SNRK: variants seen among roughly 807,000 people sequenced by gnomAD.
SNRK encodes the protein SNF related kinase, also known as SNF-related serine/threonine-protein kinase.
SNRK carries 3 observed loss-of-function variants against 48.2 expected under a neutral mutation model. The ratio of observed to expected loss-of-function variants is 0.06; its 90% CI spans 0.03 to 0.16. SNRK has a LOEUF of 0.16. Among genes scored for constraint, SNRK ranks in the 10% least tolerant of loss-of-function variants. SNRK has a pLI of 1.00. For synonymous variants in SNRK, 376 were observed against 366.1 expected (o/e 1.03, Z -0.31); for missense variants, 627 against 976.0 (o/e 0.64, Z 4.76).
At chr3:43,314,583 C>A (rs1575542884) in intron 3 of SNRK, among the ~76,000 whole-genome samples, 1 of 152,018 alleles carries the variant, frequency 6.6e-6, no homozygotes, top group South Asian at 2.1e-4. Flanking sequence ...ATAAAAGAGT[C>A]TTTTAGAGAA....
At chr3:43,293,043 T>C (rs1216356576) in intron 1 of SNRK, among the ~76,000 whole-genome samples, 1 of 152,238 alleles carries the variant, frequency 6.6e-6, no homozygotes, top group African/African-American at 2.4e-5. Flanking sequence ...TATTTGTTAA[T>C]GAAAATGACT....
intron 6 of SNRK, among the ~76,000 whole-genome samples, chr3:43,344,512 G>A (rs145547099): frequency 5.9e-5 from 9 of 152,294 alleles, no homozygotes; most frequent in African/African-American, 1.4e-4. Context: ...GTTACTTGCA[G>A]TTGGCTCGCC....
intron 3 of SNRK, among the ~76,000 whole-genome samples, chr3:43,304,121 A>G (rs1214236375): frequency 2.0e-5 from 3 of 152,132 alleles, no homozygotes; most frequent in Admixed American, 1.3e-4. Context: ...CTCTTTAGCC[A>G]TCTCCTCTCT....
intron 1 of SNRK, among the ~76,000 whole-genome samples, chr3:43,286,884 C>A (rs1268757405): frequency 6.9e-6 from 1 of 145,168 alleles, no homozygotes; most frequent in African/African-American, 2.5e-5. Context: ...TGGCCCGGAC[C>A]CCGCGGCGCG....
chr3:43,327,472 A>G (rs1364832337), intron 3 of SNRK, among the ~76,000 whole-genome samples: 2 of 152,176 alleles, frequency 1.3e-5, no homozygotes, highest in Non-Finnish European at 2.9e-5. Context: ...TTCTAGTTCT[A>G]TTGCTTCTTT....
intron 2 of SNRK, among the ~76,000 whole-genome samples, chr3:43,301,028 G>A (rs936552865): frequency 6.6e-6 from 1 of 152,212 alleles, no homozygotes; most frequent in Non-Finnish European, 1.5e-5. Flanking sequence ...AATAATTCCT[G>A]TCTTTGAGGG....
At chr3:43,340,226 T>G in intron 4 of SNRK, 61 bp from the exon 5 acceptor site, 1 of 1,256,230 alleles carries the variant, frequency 8.0e-7, no homozygotes, top group Non-Finnish European at 1.2e-6. Flanking sequence ...AATAAAATGA[T>G]CCATCATTAC....
chr3:43,307,761 C>A (rs1430204980), intron 3 of SNRK, among the ~76,000 whole-genome samples: 2 of 152,002 alleles, frequency 1.3e-5, no homozygotes, highest in African/African-American at 4.8e-5. Flanking sequence ...TGAAATTAGG[C>A]CAATTAATTA....
chr3:43,339,869 A>ATATATG (rs2091221568), intron 4 of SNRK, among the ~76,000 whole-genome samples: 1 of 96,120 alleles, frequency 1.0e-5, no homozygotes, highest in Non-Finnish European at 2.0e-5. Flanking sequence ...ATATATATAT[A>ATATATG]TATATGTTAC....
intron 1 of SNRK, among the ~76,000 whole-genome samples, chr3:43,294,159 T>C (rs978772948): frequency 6.6e-6 from 1 of 152,214 alleles, no homozygotes; most frequent in African/African-American, 2.4e-5. Context: ...ATATAAATAT[T>C]TGTCCTCACC....
At chr3:43,289,711 A>G (rs935929156) in intron 1 of SNRK, 22 of 152,650 alleles carry the variant, frequency 1.4e-4, no homozygotes, top group African/African-American at 5.3e-4. Flanking sequence ...GCCCTCCCTG[A>G]ACATTTATTT....
At chr3:43,335,129 C>G (rs553112328) in intron 4 of SNRK, among the ~76,000 whole-genome samples, 43 of 152,132 alleles carry the variant, frequency 2.8e-4, no homozygotes, top group Non-Finnish European at 5.9e-4. Flanking sequence ...TTTCGTGCCA[C>G]TCACTTCCAT....
intron 1 of SNRK, among the ~76,000 whole-genome samples, chr3:43,289,450 A>G (rs2090792594): frequency 6.6e-6 from 1 of 151,978 alleles, no homozygotes; most frequent in Non-Finnish European, 1.5e-5. Context: ...GATGGAGGAG[A>G]AGGATTTTGG....
intron 3 of SNRK, among the ~76,000 whole-genome samples, chr3:43,315,480 T>A (rs536638954): frequency 6.6e-6 from 1 of 152,312 alleles, no homozygotes; most frequent in East Asian, 1.9e-4. Context: ...CAGAATTTGT[T>A]TAACTTTTAT....
intron 1 of SNRK, among the ~76,000 whole-genome samples, chr3:43,290,182 G>C (rs73831238): frequency 0.025 from 3,818 of 152,166 alleles, 163 homozygotes; most frequent in African/African-American, 0.085. Flanking sequence ...TCTTTGATCT[G>C]TACATTATCA....
At chr3:43,313,220 G>C (rs1052515499) in intron 3 of SNRK, among the ~76,000 whole-genome samples, 7 of 152,142 alleles carry the variant, frequency 4.6e-5, no homozygotes, top group Admixed American at 4.6e-4. Flanking sequence ...CTGGGTGTTT[G>C]TCCCAGAGAA....
At chr3:43,290,764 C>T (rs2090805660) in intron 1 of SNRK, among the ~76,000 whole-genome samples, 1 of 152,140 alleles carries the variant, frequency 6.6e-6, no homozygotes, top group South Asian at 2.1e-4. Context: ...GTTTTTGGCT[C>T]TTTATGCTAG....
chr3:43,306,294 C>T (rs1043920217), intron 3 of SNRK, among the ~76,000 whole-genome samples: 3 of 151,930 alleles, frequency 2.0e-5, no homozygotes, highest in Non-Finnish European at 4.4e-5. Context: ...CAAAATTAGT[C>T]AGTGATTTTT....
At position 43,348,458 on chromosome 3, in the gene SNRK, A is replaced by G. The variant is rs763127955; in HGVS notation, c.2199A>G (p.Leu733=). ...SKNLKNNVLQ[L]PLCEKTISVN... is the part of the protein sequence containing the mutation. ...ACCTGAAAAATAACGTGCTGCAGCTACCTCTGTGCGAAAAGACCATCTCTG... is the reference window on the plus strand; with the variant it reads ...ACCTGAAAAATAACGTGCTGCAGCTGCCTCTGTGCGAAAAGACCATCTCTG... The change falls in exon 7 of 7, where the codon CTA becomes CTG. Residue 733 remains leucine, a synonymous_variant. Transcript: ENST00000296088. The G allele has an allele frequency of 6.2e-7, 1 of 1,610,230 alleles. No homozygotes were observed. Among genetic ancestry groups the G allele is most frequent in the Admixed American group, 1.7e-5 (1 of 59,326 alleles).
Sources: allele counts gnomAD v4.1 joint callset (sites outside exome capture counted in the v4.1 genomes callset), GRCh38; gene constraint gnomAD v4.1.1; transcripts MANE v1.5; gene names NCBI Gene and HGNC (gene_info 2026-07-23, HGNC 2026-07-21).